KIAA1671: variants seen among roughly 807,000 people sequenced by gnomAD.
KIAA1671 encodes the protein uncharacterized protein KIAA1671.
A neutral mutation model predicts 131.2 loss-of-function variants in KIAA1671; 52 were observed. That is an observed-to-expected ratio of 0.40 (90% CI 0.32 to 0.50). The LOEUF (loss-of-function observed/expected upper bound fraction) is 0.50, where lower values mean the gene tolerates loss of function less well. Among genes scored for constraint, KIAA1671 ranks in the 20% least tolerant of loss-of-function variants. KIAA1671 has a pLI of 0.73. For synonymous variants in KIAA1671, 1,003 were observed against 961.6 expected (o/e 1.04, Z -0.80); for missense variants, 2,360 against 2,364.2 (o/e 1.00, Z 0.04).
At chr22:25,049,033 A>T in intron 5 of KIAA1671, 197 bp from the exon 6 acceptor site, 1 of 624,468 alleles carries the variant, frequency 1.6e-6, no homozygotes, top group Non-Finnish European at 2.7e-6. Flanking sequence ...ACAGTTATTA[A>T]ATGGCTGAGG....
rs201291946 is a variant in KIAA1671, at chr22:24,986,426, T to TAATACAA, written c.-208+33655_-208+33661dup. 6.1e-4 allele frequency among the ~76,000 whole-genome samples: 93 copies of TAATACAA among 152,146 alleles called. No homozygotes were observed. The East Asian group carries it at 0.01, about 16-fold the overall frequency. On this transcript the variant is annotated intron_variant, in intron 1 of 12. Transcript: ENST00000358431. ...TCAGCTCAAGATTAATTATGATAGT[T>TAATACAA]AATACAATGTAGATACCATGTAAGT...
chr22:25,147,926 TA>T (rs1392247458), intron 6 of KIAA1671, among the ~76,000 whole-genome samples: 2 of 152,146 alleles, frequency 1.3e-5, no homozygotes, highest in Admixed American at 1.3e-4. Flanking sequence ...TTGGTACCTT[TA>T]TATTATCTGG....
At position 24,952,896 on chromosome 22, in the gene KIAA1671, C is replaced by G. The variant is rs187241663; in HGVS notation, c.-208+124C>G. The G allele has an allele frequency of 9.7e-4, 148 of 152,250 alleles. 3 individuals are homozygous for G. In the East Asian group the frequency reaches 0.027, roughly 28 times the overall value. 9.4% of individuals were successfully genotyped at this position (152,250 alleles called of 1,614,324 possible). Reference sequence around the variant, plus strand: ...CCAAGTTTCTGCCCGGCCGAGGCCCCGGGAGAAAAGTTGGCAAAGTTGGCC... The same window carrying G: ...CCAAGTTTCTGCCCGGCCGAGGCCCGGGGAGAAAAGTTGGCAAAGTTGGCC... On this transcript the variant is annotated intron_variant, in intron 1 of 12. Coordinates refer to ENST00000358431, the MANE Select transcript of KIAA1671 (RefSeq NM_001145206.2). The surrounding 1 kb of genome is among the most constrained non-coding windows in gnomAD (Gnocchi z 4.5).
In KIAA1671 at chr22:25,161,471, G is replaced by T. The variant is rs5996843; in HGVS notation, c.4531-9349G>T. Among the ~76,000 whole-genome samples, 489 of 152,358 alleles carry T rather than the reference G, an allele frequency of 3.2e-3. 2 individuals are homozygous for T. The highest frequency in any genetic ancestry group is 0.011 in the African/African-American group (471 of 41,580). ...CAGCTCAGACAGGGGCCTGTGGCAC[G>T]ATGGTGCCTTGTGTGTGTGAGGATC... On this transcript the variant is annotated intron_variant, in intron 6 of 12. Transcript: ENST00000358431.
chr22:25,035,559 G>A (rs59176789), intron 4 of KIAA1671, among the ~76,000 whole-genome samples: 20,739 of 152,090 alleles, frequency 0.14, 1,457 homozygotes, highest in Middle Eastern at 0.15. Context: ...TGGAGGCAGC[G>A]GTTTGCCCTG....
chr22:25,102,123 T>C (rs942703405), intron 6 of KIAA1671, among the ~76,000 whole-genome samples: 1 of 152,204 alleles, frequency 6.6e-6, no homozygotes, highest in Non-Finnish European at 1.5e-5. Context: ...ATTCCAGGAT[T>C]AACATCTGTC....
chr22:25,018,543 G>T (rs1024285946), intron 1 of KIAA1671, among the ~76,000 whole-genome samples: 2 of 151,954 alleles, frequency 1.3e-5, no homozygotes, highest in Non-Finnish European at 2.9e-5. Flanking sequence ...TTGAAACTCC[G>T]TATCCATTAA....
chr22:25,007,090 C>T (rs1924785711), intron 1 of KIAA1671, among the ~76,000 whole-genome samples: 1 of 152,150 alleles, frequency 6.6e-6, no homozygotes, highest in Non-Finnish European at 1.5e-5. Flanking sequence ...TGCCTGCCTC[C>T]AGCACCAGAC....
chr22:25,041,090 A>G lies in KIAA1671; in HGVS notation c.3960A>G (p.Lys1320=). The G allele has an allele frequency of 1.3e-6, 2 of 1,542,510 alleles. No homozygotes were observed. Among genetic ancestry groups the G allele is most frequent in the Non-Finnish European group, 1.8e-6 (2 of 1,142,180 alleles). Residue 1320 remains lysine (K), a synonymous_variant, in exon 5 of 13, where the codon AAA becomes AAG. Coordinates refer to ENST00000358431, the MANE Select transcript of KIAA1671 (RefSeq NM_001145206.2). ...GGSPIPADPR[K]KTGFAEDDRK... is the part of the protein sequence containing the mutation. ...CTCCTATACCTGCGGATCCCAGGAA[A>G]AAAACGGGGTTTGCTGAGGATGACA...
chr22:25,168,104 TGAG>T (rs1344909788), intron 6 of KIAA1671, among the ~76,000 whole-genome samples: 2 of 152,176 alleles, frequency 1.3e-5, no homozygotes, highest in African/African-American at 4.8e-5. Flanking sequence ...CCAGAGAACC[TGAG>T]AAGAGGCTGG....
At chr22:25,174,754 A>C in intron 8 of KIAA1671, 1 of 376,850 alleles carries the variant, frequency 2.7e-6, no homozygotes, top group Non-Finnish European at 4.7e-6. Context: ...AGCCTCAAAT[A>C]CAATTGCATG....
chr22:25,179,253 A>G (rs1934169795), intron 9 of KIAA1671: 3 of 1,540,012 alleles, frequency 1.9e-6, no homozygotes. Flanking sequence ...TGAACGAAAC[A>G]AAACCAAAAC....
intron 1 of KIAA1671, among the ~76,000 whole-genome samples, chr22:25,009,060 A>T (rs1924890936): frequency 6.6e-6 from 1 of 152,070 alleles, no homozygotes; most frequent in Non-Finnish European, 1.5e-5. Context: ...CTTTGGGTTT[A>T]TTGGTATAGA....
chr22:25,139,235 C>T (rs528617950), intron 6 of KIAA1671, among the ~76,000 whole-genome samples: 19 of 151,018 alleles, frequency 1.3e-4, no homozygotes, highest in Admixed American at 7.9e-4. Flanking sequence ...AAGGGGGAGC[C>T]GAGGCCCCCC....
rs1310637616 is a variant in KIAA1671, at chr22:25,039,499, C to G, written c.2369C>G (p.Ala790Gly). Residue 790 changes from alanine (A) to glycine (G), a missense_variant, in exon 5 of 13, where the codon GCG (alanine) becomes GGG (glycine). Physicochemically the swap from Ala to Gly is moderately conservative, Grantham distance 60. Around this residue, in one of 3 missense-constraint regions of KIAA1671, gnomAD observed 1,185 missense variants for 1,126.2 expected, o/e 1.05. Coordinates refer to ENST00000358431, the MANE Select transcript of KIAA1671 (RefSeq NM_001145206.2). The stretch of plus-strand genomic sequence containing the variant: ...CTGGAGTGTGGTTTGGAAGGTCAGG[C>G]GGGGTCCGTCCAAAGGGCCAGTTTG... ...ADLECGLEGQAGSVQRASLIW... is the reference protein window; with the variant it reads ...ADLECGLEGQGGSVQRASLIW... 1 of 1,551,764 alleles carries G rather than the reference C, an allele frequency of 6.4e-7. No individual in the cohort carries two copies. The highest frequency in any genetic ancestry group is 8.7e-7 in the Non-Finnish European group (1 of 1,147,004).
intron 6 of KIAA1671, chr22:25,059,972 C>A (rs989218390): frequency 5.3e-5 from 8 of 152,188 alleles, no homozygotes; most frequent in African/African-American, 1.9e-4. Flanking sequence ...GCACCCGGGG[C>A]ACCTTGGGGC....
intron 11 of KIAA1671, among the ~76,000 whole-genome samples, chr22:25,187,957 T>C (rs1035477990): frequency 6.6e-6 from 1 of 152,206 alleles, no homozygotes; most frequent in African/African-American, 2.4e-5. Context: ...TTCATTGAGC[T>C]GTGCACATTT....
chr22:25,175,726 C>T (rs368955275), intron 8 of KIAA1671: 1 of 152,192 alleles, frequency 6.6e-6, no homozygotes, highest in Non-Finnish European at 1.5e-5. Flanking sequence ...GAGTGTTGAC[C>T]ACTGGCCCAG....
In KIAA1671 at chr22:25,027,998, C is replaced by G; in HGVS notation, c.-2C>G. 2.7e-6 allele frequency: 4 copies of G among 1,473,964 alleles called. No individual in the cohort carries two copies. Among genetic ancestry groups the G allele is most frequent in the Non-Finnish European group, 3.6e-6 (4 of 1,108,612 alleles). 91.3% of individuals were successfully genotyped at this position (1,473,964 alleles called of 1,614,324 possible). On this transcript the variant is annotated 5_prime_UTR_variant, in exon 3 of 13. Transcript: ENST00000358431. ...AACCCCCATGAATCCACAACCATAA[C>G]CATGGCCACGCGGGTCGAGGTGGGC...
Sources: allele counts gnomAD v4.1 joint callset (sites outside exome capture counted in the v4.1 genomes callset), GRCh38; gene constraint gnomAD v4.1.1; regional missense constraint gnomAD v4.1.1; non-coding constraint Gnocchi (gnomAD v3.1); transcripts MANE v1.5; gene names NCBI Gene and HGNC (gene_info 2026-07-23, HGNC 2026-07-21).